LARP1B: variants seen among roughly 807,000 people sequenced by gnomAD.
LARP1B encodes La ribonucleoprotein 1B.
A neutral mutation model predicts 114.2 loss-of-function variants in LARP1B; 76 were observed. That is an observed-to-expected ratio of 0.67 (90% CI 0.55 to 0.81). LARP1B has a LOEUF of 0.81. Among genes scored for constraint, LARP1B ranks in the 30% least tolerant of loss-of-function variants. LARP1B has a pLI of 0.00. For missense variants in LARP1B, 1,014 were observed against 1,075.8 expected, an observed-to-expected ratio of 0.94 and a Z score of 0.80; for synonymous variants, 345 against 348.0, an observed-to-expected ratio of 0.99 and a Z score of 0.10.
Position 128,210,883 on chromosome 4 carries a change from A to C in LARP1B, c.*830A>C. On this transcript the variant is annotated 3_prime_UTR_variant, in exon 20 of 20. Transcript: ENST00000326639. ...TGGAATATTGTCCTAAATTAATTAAATCTTGCACTGTTTTGAATGCATCTG... is the reference window on the plus strand; with the variant it reads ...TGGAATATTGTCCTAAATTAATTAACTCTTGCACTGTTTTGAATGCATCTG... The C allele has an allele frequency of 2.0e-6, 2 of 983,882 alleles. No homozygotes were observed. Among genetic ancestry groups the C allele is most frequent in the African/African-American group, 3.5e-5 (2 of 57,340 alleles). The allele number at this position is 983,882 out of a possible 1,614,324, so 60.9% of individuals were successfully genotyped here. A position where few individuals can be genotyped will look rare whatever the true frequency, so the allele number is the denominator to read the frequency against.
rs528295223 is a variant in LARP1B, at chr4:128,137,058, G to A, written c.1524+14870G>A. Among the ~76,000 whole-genome samples, 20 of 152,248 alleles carry A rather than the reference G, an allele frequency of 1.3e-4. No individual in the cohort carries two copies. The South Asian group carries it at 4.1e-3, about 32-fold the overall frequency. ...TGAATGGTAACTAAAGTTAAAAAGT[G>A]CAGCTAAGGCAATAGGCTTAAATGC... On this transcript the variant is annotated intron_variant, in intron 11 of 19. Transcript: ENST00000326639.
intron 4 of LARP1B, among the ~76,000 whole-genome samples, chr4:128,081,791 A>T (rs1025043819): frequency 6.6e-6 from 1 of 152,102 alleles, no homozygotes; most frequent in Non-Finnish European, 1.5e-5. Context: ...CTGGAGTGCA[A>T]TGGCACGATC....
chr4:128,145,551 T>G (rs71612159), intron 11 of LARP1B, among the ~76,000 whole-genome samples: 1,820 of 152,306 alleles, frequency 0.012, 20 homozygotes, highest in Non-Finnish European at 0.017. Context: ...TCACATGGAC[T>G]TATTGCCCCC....
At chr4:128,222,733 T>C (rs563603985), downstream of LARP1B, 7 of 171,642 alleles carry the variant, frequency 4.1e-5, no homozygotes, top group South Asian at 9.6e-4. Context: ...CCAATAGACA[T>C]TCCAATTGAG....
intron 12 of LARP1B, among the ~76,000 whole-genome samples, chr4:128,176,093 GATAT>G (rs1226245741): frequency 1.4e-5 from 2 of 138,662 alleles, no homozygotes; most frequent in Admixed American, 7.5e-5. Flanking sequence ...TCTCTCTCTC[GATAT>G]ATATATATAC....
At chr4:128,061,731 G>A in intron 1 of LARP1B, 14 of 984,958 alleles carry the variant, frequency 1.4e-5, no homozygotes, top group Non-Finnish European at 1.7e-5. Context: ...GCCCATTCTC[G>A]GGAGGATCCG....
At chr4:128,129,544 CCA>C (rs1416531184) in intron 11 of LARP1B, among the ~76,000 whole-genome samples, 1 of 151,962 alleles carries the variant, frequency 6.6e-6, no homozygotes, top group African/African-American at 2.4e-5. Context: ...GTGGATATCT[CCA>C]GAGGCAAAAA....
intron 11 of LARP1B, chr4:128,122,668 A>T: frequency 7.3e-7 from 1 of 1,361,480 alleles, no homozygotes. Flanking sequence ...GATCTAAGGT[A>T]GTGGAAATGG....
At chr4:128,069,636 C>G in intron 1 of LARP1B, 4 of 629,624 alleles carry the variant, frequency 6.4e-6, no homozygotes, top group South Asian at 1.8e-5. Context: ...ATGGCTGCTG[C>G]TAGACAGAAG....
chr4:128,209,206 C>T (rs1348900103), intron 19 of LARP1B, among the ~76,000 whole-genome samples: 2 of 152,156 alleles, frequency 1.3e-5, no homozygotes, highest in African/African-American at 2.4e-5. Context: ...ATCGCCTGAG[C>T]TTAGGAGTTT....
At chr4:128,202,694 C>T (rs930071100) in intron 17 of LARP1B, among the ~76,000 whole-genome samples, 1 of 152,112 alleles carries the variant, frequency 6.6e-6, no homozygotes, top group Non-Finnish European at 1.5e-5. Context: ...ATACACATAC[C>T]TCTGTGTATG....
chr4:128,131,252 A>G (rs368125239), intron 11 of LARP1B, among the ~76,000 whole-genome samples: 2 of 152,180 alleles, frequency 1.3e-5, no homozygotes, highest in East Asian at 1.9e-4. Flanking sequence ...CAGAGGGTCT[A>G]TGGTATACTC....
intron 11 of LARP1B, chr4:128,156,084 C>G: frequency 6.2e-7 from 1 of 1,601,424 alleles, no homozygotes; most frequent in South Asian, 1.1e-5. Context: ...TCACCCCCAG[C>G]CTGGTCTTCA....
At chr4:128,137,815 A>G (rs948411380) in intron 11 of LARP1B, among the ~76,000 whole-genome samples, 1 of 148,782 alleles carries the variant, frequency 6.7e-6, no homozygotes, top group Non-Finnish European at 1.5e-5. Context: ...GGGGTTGGTG[A>G]CAGAGTTTTG....
intron 11 of LARP1B, among the ~76,000 whole-genome samples, chr4:128,144,998 C>A (rs1457496674): frequency 6.6e-6 from 1 of 152,120 alleles, no homozygotes; most frequent in Non-Finnish European, 1.5e-5. Flanking sequence ...TTTATTTTCA[C>A]TGCTAGTAAT....
chr4:128,152,618 T>C (rs1733387909), intron 11 of LARP1B, among the ~76,000 whole-genome samples: 1 of 151,900 alleles, frequency 6.6e-6, no homozygotes, highest in Non-Finnish European at 1.5e-5. Flanking sequence ...TCCCTATATG[T>C]CTGTTAGTAT....
At chr4:128,208,143 C>T (rs1351633718) in intron 19 of LARP1B, among the ~76,000 whole-genome samples, 1 of 151,966 alleles carries the variant, frequency 6.6e-6, no homozygotes, top group Non-Finnish European at 1.5e-5. Context: ...GCCTGGTCAA[C>T]ATGGCAAAAC....
chr4:128,179,675 A>G (rs1471456035), intron 15 of LARP1B, among the ~76,000 whole-genome samples, 163 bp downstream of exon 15: 1 of 152,194 alleles, frequency 6.6e-6, no homozygotes, highest in Non-Finnish European at 1.5e-5. Context: ...TTTTACAAGT[A>G]TGTTAAGGAA....
chr4:128,209,184 C>T lies in LARP1B; in HGVS notation c.2548-672C>T, dbSNP rs193156678. ...CTGTAATCTCAGCACTTTGGGAGGC[C>T]GAGGCGGGTGGATCGCCTGAGCTTA... On this transcript the variant is annotated intron_variant, in intron 19 of 19. Coordinates refer to ENST00000326639, the MANE Select transcript of LARP1B (RefSeq NM_018078.4). Among the ~76,000 whole-genome samples the T allele has an allele frequency of 1.1e-3, 170 of 152,188 alleles. 1 individual carries two copies. The highest frequency in any genetic ancestry group is 3.4e-3 in the Middle Eastern group (1 of 292).
Sources: gnomAD v4.1 joint callset for allele counts (sites outside exome capture counted in the v4.1 genomes callset) on GRCh38, gnomAD v4.1.1 for gene constraint, MANE v1.5 for transcripts, NCBI Gene and HGNC (gene_info 2026-07-23, HGNC 2026-07-21) for gene names.